DPY30: variants seen among roughly 807,000 people sequenced by gnomAD.
The protein encoded by DPY30 is protein dpy-30 homolog.
In DPY30, 6 loss-of-function variants were observed where a neutral mutation model predicts 16.2. The observed-to-expected ratio is 0.37, with a 90% confidence interval of 0.20 to 0.73. The LOEUF is 0.73. Among genes scored for constraint, DPY30 ranks in the 30% least tolerant of loss-of-function variants. DPY30 has a pLI of 0.51. For synonymous variants in DPY30, 39 were observed against 38.8 expected (o/e 1.00, Z -0.02); for missense variants, 73 against 113.1 (o/e 0.65, Z 1.61).
chr2:32,039,690 T>C, intron 1 of DPY30, 43 bp downstream of exon 1: 1 of 596,134 alleles, frequency 1.7e-6, no homozygotes, highest in Non-Finnish European at 3.0e-6. Flanking sequence ...CAGTCCCAAG[T>C]ACCTAGAATA....
At chr2:32,036,283 T>G (rs1325100490) in intron 3 of DPY30, among the ~76,000 whole-genome samples, 1 of 151,850 alleles carries the variant, frequency 6.6e-6, no homozygotes, top group Admixed American at 6.6e-5. Context: ...TGGCAAAGTA[T>G]TTTTTTTAAA....
intron 5 of DPY30, among the ~76,000 whole-genome samples, chr2:32,015,095 A>C (rs1055726189): frequency 1.3e-5 from 2 of 151,194 alleles, no homozygotes. Flanking sequence ...AAAAAAAAAA[A>C]CCTCTATTTT....
chr2:32,024,270 G>C lies in DPY30; in HGVS notation c.228-14C>G. 1.3e-6 allele frequency: 2 copies of C among 1,551,600 alleles called. No individual in the cohort carries two copies. The highest frequency in any genetic ancestry group is 2.3e-5 in the South Asian group (2 of 88,726). On this transcript the variant is annotated splice_polypyrimidine_tract_variant and intron_variant, in intron 4 of 4. Coordinates refer to ENST00000342166, the MANE Select transcript of DPY30 (RefSeq NM_001321209.2). The stretch of plus-strand genomic sequence containing the variant: ...GGATTTGGTGGTCTGTAAGGGAAAA[G>C]AAATCCAAAGTTTAGAAATATATTT...
intron 5 of DPY30, among the ~76,000 whole-genome samples, chr2:32,014,609 G>GCGT (rs1208931535): frequency 6.6e-6 from 1 of 151,416 alleles, no homozygotes; most frequent in African/African-American, 2.4e-5. Flanking sequence ...TCAGCCTCCC[G>GCGT]CGTAGCTGGG....
At chr2:32,029,842 A>T (rs180940479) in intron 3 of DPY30, 106 bp from the exon 4 acceptor site, 1 of 1,269,612 alleles carries the variant, frequency 7.9e-7, no homozygotes, top group Non-Finnish European at 1.1e-6. Flanking sequence ...AGGCAAATCA[A>T]TGACTAGAAA....
downstream of DPY30, among the ~76,000 whole-genome samples, chr2:32,019,537 G>A (rs2148652162): frequency 6.6e-6 from 1 of 151,768 alleles, no homozygotes; most frequent in South Asian, 2.1e-4. Context: ...AGTATTGGCA[G>A]GGGGTGGTGG....
intron 3 of DPY30, among the ~76,000 whole-genome samples, chr2:32,038,827 T>G (rs1675854833): frequency 6.6e-6 from 1 of 151,996 alleles, no homozygotes; most frequent in South Asian, 2.1e-4. Context: ...TTTGTATTTT[T>G]AGTAGAGACG....
downstream of DPY30, among the ~76,000 whole-genome samples, chr2:32,022,057 A>G (rs1029636622): frequency 1.2e-4 from 19 of 152,220 alleles, no homozygotes; most frequent in Non-Finnish European, 2.2e-4. Flanking sequence ...TAAAAATACA[A>G]AAATTCGCTG....
At chr2:32,035,427 C>A (rs1675698070) in intron 3 of DPY30, among the ~76,000 whole-genome samples, 1 of 149,790 alleles carries the variant, frequency 6.7e-6, no homozygotes, top group South Asian at 2.1e-4. Context: ...CATGGTGAAA[C>A]CTCATCTCTA....
At chr2:32,034,123 A>G (rs1675649695) in intron 3 of DPY30, among the ~76,000 whole-genome samples, 1 of 152,246 alleles carries the variant, frequency 6.6e-6, no homozygotes, top group African/African-American at 2.4e-5. Flanking sequence ...AGAACTGCAC[A>G]GAAAGAGACT....
chr2:32,033,394 C>T (rs762832475), intron 3 of DPY30, among the ~76,000 whole-genome samples: 2 of 146,496 alleles, frequency 1.4e-5, no homozygotes, highest in African/African-American at 5.0e-5. Context: ...GCAATGTGGC[C>T]GGGCATGGTG....
intron 3 of DPY30, among the ~76,000 whole-genome samples, chr2:32,034,349 C>T (rs761599012): frequency 2.6e-5 from 4 of 152,154 alleles, no homozygotes; most frequent in Admixed American, 2.6e-4. Flanking sequence ...CTTGTGAGGG[C>T]TTCAGGGAGC....
At chr2:32,038,135 C>CT (rs35016868) in intron 3 of DPY30, among the ~76,000 whole-genome samples, 12,165 of 107,964 alleles carry the variant, frequency 0.11, 662 homozygotes, top group Middle Eastern at 0.17. Flanking sequence ...CATTTTCTTT[C>CT]TTTTTTTTTT....
chr2:32,034,541 G>T (rs1185167438), intron 3 of DPY30, among the ~76,000 whole-genome samples: 4 of 152,154 alleles, frequency 2.6e-5, no homozygotes, highest in African/African-American at 9.7e-5. Flanking sequence ...TTGCCCCCAT[G>T]ACCCAAACAC....
chr2:32,039,177 A>C lies in DPY30; in HGVS notation c.84+102T>G. 2.8e-6 allele frequency: 4 copies of C among 1,430,686 alleles called. No homozygotes were observed. In the Admixed American group the frequency reaches 5.1e-5, roughly 18 times the overall value. 88.6% of individuals were successfully genotyped at this position (1,430,686 alleles called of 1,614,324 possible). ...TTGATACTATTCAGTTCACGATAAC[A>C]AAGTTTTCCCTTGTGCATAGCCACC... On this transcript the variant is annotated intron_variant, in intron 3 of 4. Transcript: ENST00000342166.
At chr2:32,029,860 C>G (rs1054188904) in intron 3 of DPY30, 124 bp from the exon 4 acceptor site, 2 of 1,017,120 alleles carry the variant, frequency 2.0e-6, no homozygotes, top group Admixed American at 2.5e-5. Flanking sequence ...AAAGATGGTA[C>G]TAGACCACAA....
chr2:32,026,930 T>C (rs1572995408), intron 4 of DPY30, among the ~76,000 whole-genome samples: 1 of 150,746 alleles, frequency 6.6e-6, no homozygotes, highest in Non-Finnish European at 1.5e-5. Flanking sequence ...TCCCTTTTTT[T>C]TTTTTTTAAG....
At chr2:32,027,820 G>A (rs1162317264) in intron 4 of DPY30, among the ~76,000 whole-genome samples, 1 of 151,786 alleles carries the variant, frequency 6.6e-6, no homozygotes, top group Non-Finnish European at 1.5e-5. Context: ...ACTAGAGACA[G>A]GGTTTCACTG....
intron 3 of DPY30, among the ~76,000 whole-genome samples, chr2:32,030,860 AAAT>A (rs1675513256): frequency 6.6e-6 from 1 of 152,172 alleles, no homozygotes; most frequent in African/African-American, 2.4e-5. Flanking sequence ...TACATTATGT[AAAT>A]AATAACCCCA....
Sources: gnomAD v4.1 joint callset for allele counts (sites outside exome capture counted in the v4.1 genomes callset) on GRCh38, gnomAD v4.1.1 for gene constraint, MANE v1.5 for transcripts, NCBI Gene and HGNC (gene_info 2026-07-23, HGNC 2026-07-21) for gene names.